PJA2: variants seen among roughly 807,000 people sequenced by gnomAD.
PJA2 encodes praja ring finger ubiquitin ligase 2, also known as E3 ubiquitin-protein ligase Praja-2.
In PJA2, 25 loss-of-function variants were observed where a neutral mutation model predicts 69.3. That is an observed-to-expected ratio of 0.36 (90% CI 0.26 to 0.50). The LOEUF is 0.50. Among genes scored for constraint, PJA2 ranks in the 20% least tolerant of loss-of-function variants. PJA2 has a pLI of 0.96. For synonymous variants in PJA2, 308 were observed against 277.8 expected (o/e 1.11, Z -1.08); for missense variants, 809 against 830.2 (o/e 0.97, Z 0.31).
chr5:109,346,931 A>G (rs1315022540), intron 7 of PJA2, among the ~76,000 whole-genome samples: 1 of 152,264 alleles, frequency 6.6e-6, no homozygotes, highest in East Asian at 1.9e-4. Flanking sequence ...CTGATAGCTT[A>G]GCTAACACTC....
chr5:109,344,547 T>C (rs1323947605), intron 8 of PJA2, among the ~76,000 whole-genome samples, 158 bp downstream of exon 8: 1 of 152,216 alleles, frequency 6.6e-6, no homozygotes, highest in African/African-American at 2.4e-5. Flanking sequence ...AAATTAAAAA[T>C]ATTCTTGTAC....
chr5:109,342,512 G>A (rs1279851781), intron 9 of PJA2, among the ~76,000 whole-genome samples: 47 of 120,048 alleles, frequency 3.9e-4, no homozygotes, highest in Admixed American at 7.5e-4. Context: ...CACCCCGTCC[G>A]GGAGGGAGGT....
chr5:109,362,865 T>C lies in PJA2; in HGVS notation c.1627A>G (p.Ser543Gly), dbSNP rs771905957. ...CTCCAATCCACATCTAAGTCTTCAC[T>C]CACACTGGAGTCATCCTCCAGGTTA... Reference protein sequence around the residue: ...NNNLEDDSSVSEDLDVDWSLF... With the variant: ...NNNLEDDSSVGEDLDVDWSLF... Residue 543 changes from serine (S) to glycine (G), a missense_variant, in exon 6 of 10, where the codon AGT becomes GGT. By Grantham distance (56) the Ser-to-Gly change is moderately conservative. Around this residue, in one of 4 missense-constraint regions of PJA2, gnomAD observed 700 missense variants for 639.5 expected, o/e 1.09. Transcript: ENST00000361189. 8.1e-6 allele frequency: 13 copies of C among 1,610,566 alleles called. No homozygotes were observed. Among genetic ancestry groups the C allele is most frequent in the Non-Finnish European group, 1.1e-5 (13 of 1,177,648 alleles).
intron 1 of PJA2, among the ~76,000 whole-genome samples, chr5:109,407,820 A>T (rs146070168): frequency 6.6e-6 from 1 of 152,294 alleles, no homozygotes; most frequent in East Asian, 1.9e-4. Flanking sequence ...AAGAAAAACT[A>T]TAAAAATTTC....
chr5:109,396,990 G>A (rs1460318031), intron 1 of PJA2, among the ~76,000 whole-genome samples: 1 of 152,214 alleles, frequency 6.6e-6, no homozygotes, highest in Non-Finnish European at 1.5e-5. Flanking sequence ...CCACATTGCG[G>A]TGGTATTAAA....
intron 5 of PJA2, among the ~76,000 whole-genome samples, chr5:109,364,862 T>C (rs1481322529): frequency 2.0e-5 from 3 of 152,074 alleles, no homozygotes; most frequent in Non-Finnish European, 2.9e-5. Context: ...GAAATTCAAA[T>C]AGCCCTTAAA....
At chr5:109,355,202 G>C (rs1184744487) in intron 7 of PJA2, among the ~76,000 whole-genome samples, 2 of 152,114 alleles carry the variant, frequency 1.3e-5, no homozygotes, top group Non-Finnish European at 2.9e-5. Context: ...GCTCCTAAAA[G>C]TTCTTGCCAA....
chr5:109,382,207 A>C (rs1747067112), intron 2 of PJA2, among the ~76,000 whole-genome samples: 1 of 152,196 alleles, frequency 6.6e-6, no homozygotes, highest in Non-Finnish European at 1.5e-5. Context: ...TACCATGAAG[A>C]ATCAACTAGA....
chr5:109,357,924 C>CATA (rs1762441631), intron 6 of PJA2, among the ~76,000 whole-genome samples: 1 of 152,210 alleles, frequency 6.6e-6, no homozygotes, highest in Admixed American at 6.5e-5. Flanking sequence ...ACACTCAAAG[C>CATA]ATAATATCAA....
intron 1 of PJA2, among the ~76,000 whole-genome samples, chr5:109,388,663 T>C (rs1747216450): frequency 6.6e-6 from 1 of 152,196 alleles, no homozygotes; most frequent in South Asian, 2.1e-4. Flanking sequence ...TTTTAAAGTA[T>C]CTTTTCTAGA....
At chr5:109,401,406 G>C (rs569256037) in intron 1 of PJA2, among the ~76,000 whole-genome samples, 115 of 152,184 alleles carry the variant, frequency 7.6e-4, no homozygotes, top group African/African-American at 2.5e-3. Context: ...GCTATAGTGA[G>C]ACAAGCTTGT....
chr5:109,383,682 A>G (rs1747099301), intron 1 of PJA2, among the ~76,000 whole-genome samples, 162 bp from the exon 2 acceptor site: 1 of 152,252 alleles, frequency 6.6e-6, no homozygotes, highest in South Asian at 2.1e-4. Context: ...CTTAGATTAC[A>G]GCACTTTGGC....
chr5:109,344,307 A>C lies in PJA2; in HGVS notation c.1884T>G (p.Ile628Met), dbSNP rs1762138128. The change falls in exon 9 of 10, where the codon ATT becomes ATG. Residue 628 changes from isoleucine (I) to methionine (M), a missense_variant. Ile to Met is a conservative substitution (Grantham distance 10). Coordinates refer to ENST00000361189, the MANE Select transcript of PJA2 (RefSeq NM_014819.5). ...AGATTGGACAGCATTGTTCCTGACC[A>C]ATAGCTGAAAACAACAAATAATTCA... ...ETLVLEDHTA[I>M]GQEQCCPICC... The C allele has an allele frequency of 6.3e-7, 1 of 1,584,628 alleles. No individual in the cohort carries two copies. The highest frequency in any genetic ancestry group is 8.5e-7 in the Non-Finnish European group (1 of 1,170,234).
chr5:109,358,778 G>A (rs979663157), intron 6 of PJA2, among the ~76,000 whole-genome samples: 6 of 152,070 alleles, frequency 3.9e-5, no homozygotes, highest in South Asian at 2.1e-4. Context: ...TCAAGTTTGC[G>A]CCACTGCACT....
rs1761960948 is a variant in PJA2, at chr5:109,337,167, A to G, written c.*64T>C. 2.0e-6 allele frequency: 3 copies of G among 1,491,022 alleles called. No individual in the cohort carries two copies. In the South Asian group the frequency reaches 3.9e-5, roughly 20 times the overall value. The allele number at this position is 1,491,022 out of a possible 1,614,324, so 92.4% of individuals were successfully genotyped here. A position where few individuals can be genotyped will look rare whatever the true frequency, so the allele number is the denominator to read the frequency against. ...TATATTTATATATAATTATTTGCAC[A>G]TGAAATTTAGAAGGAATTTGCAGAT... is the stretch of plus-strand genomic sequence containing the variant. On this transcript the variant is annotated 3_prime_UTR_variant, in exon 10 of 10. Transcript: ENST00000361189.
intron 1 of PJA2, among the ~76,000 whole-genome samples, chr5:109,393,217 G>C (rs1747320807): frequency 6.6e-6 from 1 of 152,076 alleles, no homozygotes; most frequent in African/African-American, 2.4e-5. Flanking sequence ...TACCCAAATG[G>C]CTAAGAAACA....
chr5:109,396,337 C>T (rs115474388), intron 1 of PJA2, among the ~76,000 whole-genome samples: 6,036 of 151,194 alleles, frequency 0.04, 126 homozygotes, highest in Middle Eastern at 0.052. Flanking sequence ...CCAAAAGGTA[C>T]GGCAAAATTA....
intron 4 of PJA2, among the ~76,000 whole-genome samples, chr5:109,374,625 C>T (rs1414384865): frequency 6.6e-6 from 1 of 152,170 alleles, no homozygotes; most frequent in East Asian, 1.9e-4. Flanking sequence ...ATATTGAAGT[C>T]AACTAAATGG....
chr5:109,346,300 C>G (rs920582804), intron 7 of PJA2, among the ~76,000 whole-genome samples: 4 of 152,216 alleles, frequency 2.6e-5, no homozygotes, highest in Non-Finnish European at 5.9e-5. Context: ...TGGGCCTCCC[C>G]TCCTGGTTGG....
Sources: allele counts gnomAD v4.1 joint callset (sites outside exome capture counted in the v4.1 genomes callset), GRCh38; gene constraint gnomAD v4.1.1; regional missense constraint gnomAD v4.1.1; transcripts MANE v1.5; gene names NCBI Gene and HGNC (gene_info 2026-07-23, HGNC 2026-07-21).